Variants in SUCLG2 observed in about 807,000 individuals in gnomAD.
SUCLG2 encodes the protein succinate-CoA ligase GDP-forming subunit beta.
A neutral mutation model predicts 47.9 loss-of-function variants in SUCLG2; 42 were observed. The observed-to-expected ratio is 0.88, with a 90% CI of 0.69 to 1.14. The LOEUF (loss-of-function observed/expected upper bound fraction) is 1.14. SUCLG2 is among the 50% of genes most tolerant of loss of function. The pLI is 0.00. For missense variants in SUCLG2, 571 were observed against 525.9 expected (o/e 1.09, Z -0.84); for synonymous variants, 195 against 197.3 (o/e 0.99, Z 0.10).
chr3:67,543,080 C>T (rs1302597950), intron 2 of SUCLG2, among the ~76,000 whole-genome samples: 1 of 152,266 alleles, frequency 6.6e-6, no homozygotes, highest in African/African-American at 2.4e-5. Context: ...TAAAACATTC[C>T]TCAGCAAATG....
At chr3:67,462,393 C>T (rs1410436023) in intron 9 of SUCLG2, among the ~76,000 whole-genome samples, 1 of 152,088 alleles carries the variant, frequency 6.6e-6, no homozygotes, top group East Asian at 1.9e-4. Flanking sequence ...TGGGTGTTCC[C>T]ACTCAGTCTA....
intron 10 of SUCLG2, among the ~76,000 whole-genome samples, chr3:67,368,129 C>A (rs192937314): frequency 1.1e-4 from 16 of 152,270 alleles, no homozygotes; most frequent in Non-Finnish European, 1.9e-4. Flanking sequence ...TTGGGAAACA[C>A]ATTCTTCCCC....
intron 1 of SUCLG2, among the ~76,000 whole-genome samples, chr3:67,613,444 T>C (rs892830331): frequency 3.9e-5 from 6 of 152,208 alleles, no homozygotes; most frequent in African/African-American, 9.6e-5. Context: ...AGCCAGTAAG[T>C]TGTGAGTACA....
intron 2 of SUCLG2, among the ~76,000 whole-genome samples, chr3:67,558,189 T>A (rs567857922): frequency 1.3e-5 from 2 of 152,290 alleles, no homozygotes; most frequent in South Asian, 2.1e-4. Context: ...CTATATTAAC[T>A]TAATAATAGA....
intron 10 of SUCLG2, among the ~76,000 whole-genome samples, chr3:67,388,684 T>A (rs183807957): frequency 2.0e-5 from 3 of 152,336 alleles, no homozygotes; most frequent in African/African-American, 7.2e-5. Flanking sequence ...AAATGCAGAC[T>A]CCTAATAATG....
intron 9 of SUCLG2, among the ~76,000 whole-genome samples, chr3:67,409,934 A>G (rs1221187387): frequency 6.6e-6 from 1 of 152,206 alleles, no homozygotes; most frequent in African/African-American, 2.4e-5. Context: ...TCCTTAAATC[A>G]AAGTTCTCCA....
chr3:67,558,639 G>C (rs1323653940), intron 2 of SUCLG2, among the ~76,000 whole-genome samples: 1 of 152,178 alleles, frequency 6.6e-6, no homozygotes, highest in Non-Finnish European at 1.5e-5. Context: ...TCCGGTAATA[G>C]AAATTTCCTA....
chr3:67,498,083 T>A (rs1361248202), intron 8 of SUCLG2, 51 bp downstream of exon 8: 30 of 1,534,526 alleles, frequency 2.0e-5, no homozygotes, highest in Non-Finnish European at 2.6e-5. Context: ...CAAGGTTTCC[T>A]AAATTCTATA....
chr3:67,489,239 T>C (rs549588771), intron 9 of SUCLG2, among the ~76,000 whole-genome samples: 49 of 152,274 alleles, frequency 3.2e-4, no homozygotes, highest in African/African-American at 8.2e-4. Flanking sequence ...CTTGGAAATT[T>C]TAATTAACTA....
intron 1 of SUCLG2, among the ~76,000 whole-genome samples, chr3:67,635,290 T>A (rs1012665320): frequency 6.6e-6 from 1 of 152,180 alleles, no homozygotes; most frequent in African/African-American, 2.4e-5. Context: ...TGGTTATCAG[T>A]TTTTCAGACC....
intron 9 of SUCLG2, among the ~76,000 whole-genome samples, chr3:67,462,705 T>G (rs993075680): frequency 2.0e-5 from 3 of 152,216 alleles, no homozygotes; most frequent in African/African-American, 7.2e-5. Context: ...GCAAATGAAT[T>G]GAACCCAAGG....
At chr3:67,591,961 C>A (rs2107279137) in intron 2 of SUCLG2, among the ~76,000 whole-genome samples, 2 of 152,294 alleles carry the variant, frequency 1.3e-5, no homozygotes, top group Non-Finnish European at 2.9e-5. Flanking sequence ...TAAATAATAA[C>A]AGCAATAATA....
chr3:67,642,933 T>A (rs1256385671), intron 1 of SUCLG2, among the ~76,000 whole-genome samples: 1 of 151,158 alleles, frequency 6.6e-6, no homozygotes, highest in African/African-American at 2.5e-5. Flanking sequence ...TGTGTGTGTG[T>A]GTGTGTGTGT....
At chr3:67,408,627 A>T in intron 9 of SUCLG2, 1 of 1,031,316 alleles carries the variant, frequency 9.7e-7, no homozygotes, top group Non-Finnish European at 1.2e-6. Context: ...ATTAGACTCC[A>T]ATCTGTCCTT....
intron 2 of SUCLG2, among the ~76,000 whole-genome samples, chr3:67,567,975 G>C (rs182869328): frequency 6.6e-6 from 1 of 152,158 alleles, no homozygotes; most frequent in South Asian, 2.1e-4. Flanking sequence ...AAAAAGATAC[G>C]CACTGATCAG....
chr3:67,583,852 C>T (rs1707942579), intron 2 of SUCLG2, among the ~76,000 whole-genome samples: 1 of 152,186 alleles, frequency 6.6e-6, no homozygotes, highest in Non-Finnish European at 1.5e-5. Context: ...TTCTGACTTC[C>T]TCTACTTCCT....
At chr3:67,377,316 T>C (rs924382471) in intron 10 of SUCLG2, among the ~76,000 whole-genome samples, 2 of 152,216 alleles carry the variant, frequency 1.3e-5, no homozygotes, top group Non-Finnish European at 2.9e-5. Context: ...GCTGATGGTA[T>C]AGATTGTGAT....
At chr3:67,506,975 T>G (rs1331987943) in intron 7 of SUCLG2, among the ~76,000 whole-genome samples, 1 of 152,174 alleles carries the variant, frequency 6.6e-6, no homozygotes, top group African/African-American at 2.4e-5. Flanking sequence ...TGGGTTCAAA[T>G]CCCAGCTTTT....
At chr3:67,390,516 T>G (rs1358283106) in intron 10 of SUCLG2, among the ~76,000 whole-genome samples, 1 of 152,208 alleles carries the variant, frequency 6.6e-6, no homozygotes, top group African/African-American at 2.4e-5. Flanking sequence ...AGAACAGAAC[T>G]CACCAACTGA....
Sources: gnomAD v4.1 joint callset for allele counts (sites outside exome capture counted in the v4.1 genomes callset) on GRCh38, gnomAD v4.1.1 for gene constraint, MANE v1.5 for transcripts, NCBI Gene and HGNC (gene_info 2026-07-23, HGNC 2026-07-21) for gene names.